The following TXNL4A variants were observed in gnomAD, a reference collection of about 807,000 sequenced individuals.
TXNL4A encodes thioredoxin-like protein 4A.
In TXNL4A, 17 loss-of-function variants were observed where a neutral mutation model predicts 14.6. That is an observed-to-expected ratio of 1.16 (90% CI 0.80 to 1.74). TXNL4A has a LOEUF of 1.74. TXNL4A is among the 40% of genes most tolerant of loss of function. The pLI is 0.00. For synonymous variants in TXNL4A, 83 were observed against 70.6 expected (o/e 1.18, Z -0.88); for missense variants, 74 against 195.2 (o/e 0.38, Z 3.70).
In TXNL4A at chr18:80,032,766, G is replaced by T. The variant is rs151067780; in HGVS notation, c.-61+1085C>A. Among the ~76,000 whole-genome samples the T allele has an allele frequency of 7.2e-3, 1,092 of 152,324 alleles. 35 individuals are homozygous for T. The East Asian group carries it at 0.094, about 13-fold the overall frequency. On this transcript the variant is annotated intron_variant, in intron 1 of 2. Coordinates refer to the TXNL4A transcript ENST00000585474. ...GAGGCGGGAGAATTGTTTGAACCTGGAAGGTGGAGGTTGCAGTGAGCCGGG... is the reference window on the plus strand; with the variant it reads ...GAGGCGGGAGAATTGTTTGAACCTGTAAGGTGGAGGTTGCAGTGAGCCGGG...
chr18:79,975,367 A>C (rs1234918862), intron 2 of TXNL4A, among the ~76,000 whole-genome samples: 1 of 152,184 alleles, frequency 6.6e-6, no homozygotes, highest in Admixed American at 6.5e-5. Flanking sequence ...ATTCTAAATC[A>C]CAGAAACAGC....
chr18:80,007,790 AG>A (rs1190658509), intron 1 of TXNL4A, among the ~76,000 whole-genome samples: 1 of 152,092 alleles, frequency 6.6e-6, no homozygotes. Flanking sequence ...TTCAGATACT[AG>A]GGAAGTTTGA....
chr18:80,027,274 T>C (rs1292430437), intron 1 of TXNL4A, among the ~76,000 whole-genome samples: 1 of 152,082 alleles, frequency 6.6e-6, no homozygotes, highest in Non-Finnish European at 1.5e-5. Context: ...GGACTCACTA[T>C]TCCCTGCACA....
chr18:80,028,946 C>G (rs1269329591), intron 1 of TXNL4A, among the ~76,000 whole-genome samples: 2 of 152,204 alleles, frequency 1.3e-5, no homozygotes, highest in Non-Finnish European at 2.9e-5. Context: ...GAAAGGGTAA[C>G]CAATTGGCTG....
chr18:79,997,823 G>C (rs978141320), intron 1 of TXNL4A, among the ~76,000 whole-genome samples: 5 of 152,206 alleles, frequency 3.3e-5, no homozygotes, highest in Admixed American at 6.5e-5. Context: ...AGGACACAAA[G>C]TGTCCAAAGA....
upstream of TXNL4A, chr18:79,988,669 C>T (rs918200975): frequency 7.4e-6 from 2 of 270,138 alleles, no homozygotes; most frequent in Non-Finnish European, 6.9e-6. Flanking sequence ...GTGTAGTTGG[C>T]CGGGTGGAGC....
chr18:80,001,059 G>A (rs941219920), intron 1 of TXNL4A, among the ~76,000 whole-genome samples: 4 of 152,214 alleles, frequency 2.6e-5, no homozygotes, highest in South Asian at 2.1e-4. Flanking sequence ...ATGTTTTTTG[G>A]TGCCTGGCCC....
intron 1 of TXNL4A, among the ~76,000 whole-genome samples, chr18:80,025,591 G>A (rs964816919): frequency 5.9e-5 from 9 of 152,322 alleles, no homozygotes; most frequent in Middle Eastern, 3.4e-3. Context: ...ACAGGTAGCG[G>A]AGCCCCAGCG....
intron 1 of TXNL4A, among the ~76,000 whole-genome samples, chr18:79,999,524 G>C (rs1163063115): frequency 7.8e-6 from 1 of 128,682 alleles, no homozygotes. Flanking sequence ...TGACAAGAGT[G>C]AGACTCCATC....
intron 1 of TXNL4A, among the ~76,000 whole-genome samples, chr18:80,027,277 C>G (rs2051890892): frequency 6.6e-6 from 1 of 151,954 alleles, no homozygotes; most frequent in Admixed American, 6.6e-5. Flanking sequence ...CTCACTATTC[C>G]CTGCACAAGC....
chr18:80,033,183 G>A (rs1204748000), intron 1 of TXNL4A, among the ~76,000 whole-genome samples: 1 of 152,028 alleles, frequency 6.6e-6, no homozygotes, highest in African/African-American at 2.4e-5. Flanking sequence ...ACATACATAC[G>A]CATACACACA....
At chr18:80,026,538 T>G (rs2051885751) in intron 1 of TXNL4A, among the ~76,000 whole-genome samples, 1 of 152,218 alleles carries the variant, frequency 6.6e-6, no homozygotes, top group Non-Finnish European at 1.5e-5. Flanking sequence ...ACAACTGCCT[T>G]TATTGACACA....
chr18:79,974,866 G>A (rs921647618), intron 2 of TXNL4A, among the ~76,000 whole-genome samples: 1 of 152,158 alleles, frequency 6.6e-6, no homozygotes. Context: ...CAGAGTGGCT[G>A]GGCTGCAGGC....
At position 79,973,724 on chromosome 18, in the gene TXNL4A, C is replaced by A; in HGVS notation, c.390G>T (p.Val130=). 6.2e-7 allele frequency: 1 copy of A among 1,614,174 alleles called. No homozygotes were observed. The highest frequency in any genetic ancestry group is 8.5e-7 in the Non-Finnish European group (1 of 1,180,026). Residue 130 remains valine, a synonymous_variant, in exon 3 of 3, where the codon GTG becomes GTT. Transcript: ENST00000269601. ...TGGTGGAGTAGTCCTTGGGGGACAC[C>A]ACCAGGCCGCGGCCTTTGCGGGCCC... ...YRGARKGRGL[V]VSPKDYSTKY... is the part of the protein sequence containing the mutation.
At chr18:80,020,160 CATCCACGT>C (rs1287729972) in intron 1 of TXNL4A, among the ~76,000 whole-genome samples, 1 of 152,210 alleles carries the variant, frequency 6.6e-6, no homozygotes, top group Non-Finnish European at 1.5e-5. Flanking sequence ...TGCCCACCAC[CATCCACGT>C]AAGATGTGAC....
At chr18:80,019,524 A>G (rs954657049) in intron 1 of TXNL4A, among the ~76,000 whole-genome samples, 3 of 152,164 alleles carry the variant, frequency 2.0e-5, no homozygotes, top group African/African-American at 7.2e-5. Flanking sequence ...AAACCATATC[A>G]AGGACCATGT....
chr18:80,025,486 C>G (rs146476396), intron 1 of TXNL4A, among the ~76,000 whole-genome samples: 64 of 152,362 alleles, frequency 4.2e-4, no homozygotes, highest in African/African-American at 1.5e-3. Context: ...GATTCCCCGA[C>G]AGCCCCAATG....
chr18:79,993,786 A>C lies in TXNL4A; in HGVS notation c.-60-16085T>G, dbSNP rs1031267102. Among the ~76,000 whole-genome samples the C allele has an allele frequency of 3.3e-5, 5 of 152,184 alleles. No homozygotes were observed. Among genetic ancestry groups the C allele is most frequent in the Non-Finnish European group, 7.3e-5 (5 of 68,036 alleles). ...ATCGCGTGAGGGTGTCTGGGAGGAA[A>C]GCACCTTAAGACGTGCAACAGCTCT... On this transcript the variant is annotated intron_variant, in intron 1 of 2. Coordinates refer to the TXNL4A transcript ENST00000585474. The surrounding 1 kb of genome is among the most constrained non-coding windows in gnomAD (Gnocchi z 4.4).
intron 1 of TXNL4A, among the ~76,000 whole-genome samples, chr18:79,995,860 TG>T (rs2051657196): frequency 6.6e-6 from 1 of 152,004 alleles, no homozygotes; most frequent in African/African-American, 2.4e-5. Context: ...CCCAGAACTT[TG>T]GGAGGCTGAG....
Sources: allele counts gnomAD v4.1 joint callset (sites outside exome capture counted in the v4.1 genomes callset), GRCh38; gene constraint gnomAD v4.1.1; non-coding constraint Gnocchi (gnomAD v3.1); transcripts MANE v1.5; gene names NCBI Gene and HGNC (gene_info 2026-07-23, HGNC 2026-07-21).